The following CARMIL3 variants were observed in gnomAD, a reference collection of about 807,000 sequenced individuals.
CARMIL3 encodes the protein capping protein regulator and myosin 1 linker 3.
A neutral mutation model predicts 180.8 loss-of-function variants in CARMIL3; 88 were observed. The ratio of observed to expected loss-of-function variants is 0.49; its 90% CI spans 0.41 to 0.58. CARMIL3 has a LOEUF of 0.58. Ranked by LOEUF, CARMIL3 falls within the 20% of genes least tolerant of loss-of-function variation. CARMIL3 has a pLI of 0.00. For missense variants in CARMIL3, 1,548 were observed against 1,787.0 expected, an observed-to-expected ratio of 0.87 and a Z score of 2.41; for synonymous variants, 696 against 714.5, an observed-to-expected ratio of 0.97 and a Z score of 0.41.
rs770446009 is a variant in CARMIL3 at position 24,058,002 on chromosome 14, C to T, written c.1260C>T (p.Ser420=). The change falls in exon 16 of 40, where the codon AGC becomes AGT. Residue 420 remains serine, a synonymous_variant. Coordinates refer to ENST00000342740, the MANE Select transcript of CARMIL3 (RefSeq NM_138360.4). The surrounding 1 kb of genome is among the most constrained non-coding windows in gnomAD (Gnocchi z 6.4). ...EAPPAFKQFF[S]SAYTLSHVNL... ...CGCCGGCCTTCAAGCAGTTCTTCAG[C>T]AGCGCCTACACACTGAGCCACGTCA... 4 of 1,613,778 alleles carry T rather than the reference C, an allele frequency of 2.5e-6. No individual in the cohort carries two copies. In the South Asian group the frequency reaches 4.4e-5, roughly 18 times the overall value.
intron 29 of CARMIL3, 62 bp downstream of exon 29, chr14:24,062,908 C>G (rs576083164): frequency 3.7e-4 from 581 of 1,560,132 alleles, no homozygotes; most frequent in Non-Finnish European, 4.7e-4. Flanking sequence ...ACCTGCACAA[C>G]ACTGTCCCCT....
chr14:24,061,320 C>G lies in CARMIL3; in HGVS notation c.2305-177C>G, dbSNP rs1255031129. On this transcript the variant is annotated intron_variant, in intron 26 of 39. Coordinates refer to ENST00000342740, the MANE Select transcript of CARMIL3 (RefSeq NM_138360.4). This position sits in a 1 kb window ranked among gnomAD's most constrained non-coding sequence, Gnocchi z 4.1. The stretch of plus-strand genomic sequence containing the variant: ...TCTGTATGGTAGGGTGGAAGGAGCA[C>G]TGACCAGAAAGTGGGGAAGCCTTAG... The G allele has an allele frequency of 5.9e-6, 4 of 682,946 alleles. No homozygotes were observed. Among genetic ancestry groups the G allele is most frequent in the Non-Finnish European group, 9.7e-6 (4 of 412,054 alleles). 42.3% of individuals were successfully genotyped at this position (682,946 alleles called of 1,614,324 possible). A position where few individuals can be genotyped will look rare whatever the true frequency, so the allele number is the denominator to read the frequency against.
chr14:24,060,199 C>G lies in CARMIL3; in HGVS notation c.2005C>G (p.Pro669Ala). The G allele has an allele frequency of 6.2e-7, 1 of 1,614,186 alleles. No individual in the cohort carries two copies. The highest frequency in any genetic ancestry group is 1.1e-5 in the South Asian group (1 of 91,090). The change falls in exon 24 of 40, where the codon CCC becomes GCC. Residue 669 changes from proline to alanine, a missense_variant. Coordinates refer to ENST00000342740, the MANE Select transcript of CARMIL3 (RefSeq NM_138360.4). Reference sequence around the variant, plus strand: ...GAGGAACAACCACTCCCAGACGTGCCCCCAGGAGCAGGCCTTCAGGTTGCA... The same window carrying G: ...GAGGAACAACCACTCCCAGACGTGCGCCCAGGAGCAGGCCTTCAGGTTGCA... ...LVRNNHSQTCPQEQAFRLQQG... is the reference protein window; with the variant it reads ...LVRNNHSQTCAQEQAFRLQQG...
At chr14:24,063,845 C>G (rs1364710724) in intron 31 of CARMIL3, among the ~76,000 whole-genome samples, 5 of 152,108 alleles carry the variant, frequency 3.3e-5, no homozygotes, top group Non-Finnish European at 7.4e-5. Context: ...CCTGTAATCC[C>G]AGCACTTTGG....
chr14:24,069,056 A>G (rs1234206960), intron 38 of CARMIL3, 81 bp from the exon 39 acceptor site: 29 of 1,593,726 alleles, frequency 1.8e-5, no homozygotes. Flanking sequence ...GGAATGAGTG[A>G]CAACCAGGAG....
At chr14:24,053,599 T>A in intron 1 of CARMIL3, 110 bp from the exon 2 acceptor site, 1 of 734,534 alleles carries the variant, frequency 1.4e-6, no homozygotes, top group Non-Finnish European at 2.3e-6. Flanking sequence ...TGTCTCTCTG[T>A]TTCTCTCTTA....
At position 24,059,549 on chromosome 14, in the gene CARMIL3, C is replaced by T. The variant is rs113957306; in HGVS notation, c.1799+107C>T. 7 of 1,513,040 alleles carry T rather than the reference C, an allele frequency of 4.6e-6. No individual in the cohort carries two copies. Among genetic ancestry groups the T allele is most frequent in the African/African-American group, 1.4e-5 (1 of 72,516 alleles). 93.7% of individuals were successfully genotyped at this position (1,513,040 alleles called of 1,614,324 possible). Reference sequence around the variant, plus strand: ...TCTGGACCCCAGCTTCCAGAAGACCCCCAGCCCCAGAACCATCTCTGAGTC... The same window carrying T: ...TCTGGACCCCAGCTTCCAGAAGACCTCCAGCCCCAGAACCATCTCTGAGTC... On this transcript the variant is annotated intron_variant, in intron 21 of 39. Transcript: ENST00000342740. The surrounding 1 kb of genome is among the most constrained non-coding windows in gnomAD (Gnocchi z 6.3).
At chr14:24,053,536 A>G (rs1015175657) in intron 1 of CARMIL3, among the ~76,000 whole-genome samples, 173 bp from the exon 2 acceptor site, 2 of 152,222 alleles carry the variant, frequency 1.3e-5, no homozygotes, top group Admixed American at 6.5e-5. Flanking sequence ...AAAAAGAGAC[A>G]GTGTGAAAAG....
chr14:24,066,976 C>G (rs918312511), intron 36 of CARMIL3, among the ~76,000 whole-genome samples: 3 of 152,188 alleles, frequency 2.0e-5, no homozygotes, highest in Non-Finnish European at 4.4e-5. Context: ...CCTCTGTAGA[C>G]AAGGCTCCTC....
In CARMIL3 at chr14:24,053,839, G is replaced by A. The variant is rs375625384; in HGVS notation, c.135+36G>A. The A allele has an allele frequency of 6.2e-5, 97 of 1,560,706 alleles. No individual in the cohort carries two copies. In the African/African-American group the frequency reaches 1.1e-3, roughly 17 times the overall value. On this transcript the variant is annotated intron_variant, in intron 2 of 39. Coordinates refer to ENST00000342740, the MANE Select transcript of CARMIL3 (RefSeq NM_138360.4). ...TGGGCATGTGGGGAGGGAGGAGGTG[G>A]CTGGCAAGGGCAGCTGGCCAGTAGA... is the stretch of plus-strand genomic sequence containing the variant.
At chr14:24,053,666 C>T (rs2035640836) in intron 1 of CARMIL3, 43 bp from the exon 2 acceptor site, 1 of 1,496,332 alleles carries the variant, frequency 6.7e-7, no homozygotes, top group African/African-American at 1.4e-5. Flanking sequence ...TGGGGGTGGC[C>T]AGGGTAAGGT....
intron 1 of CARMIL3, 61 bp from the exon 2 acceptor site, chr14:24,053,648 C>G (rs2035640611): frequency 1.5e-6 from 2 of 1,293,440 alleles, no homozygotes; most frequent in Non-Finnish European, 1.1e-6. Flanking sequence ...CTGGAGAGCT[C>G]TGGGAGGTGG....
intron 32 of CARMIL3, among the ~76,000 whole-genome samples, 193 bp downstream of exon 32, chr14:24,064,539 G>T (rs1476477621): frequency 6.6e-6 from 1 of 152,220 alleles, no homozygotes; most frequent in Non-Finnish European, 1.5e-5. Context: ...TCCCAGGACA[G>T]CTGGGAAGAA....
Position 24,061,409 on chromosome 14 carries a change from G to A in CARMIL3, c.2305-88G>A. The A allele has an allele frequency of 7.3e-7, 1 of 1,374,046 alleles. No individual in the cohort carries two copies. Among genetic ancestry groups the A allele is most frequent in the Non-Finnish European group, 9.9e-7 (1 of 1,006,408 alleles). The allele number at this position is 1,374,046 out of a possible 1,614,324, so 85.1% of individuals were successfully genotyped here. ...CAGGTCCCTCAGTCTCAGCAGGAGGGGCTGGAATAGATAAAGTCTCTTCTG... is the reference window on the plus strand; with the variant it reads ...CAGGTCCCTCAGTCTCAGCAGGAGGAGCTGGAATAGATAAAGTCTCTTCTG... On this transcript the variant is annotated intron_variant, in intron 26 of 39. Coordinates refer to ENST00000342740, the MANE Select transcript of CARMIL3 (RefSeq NM_138360.4). This position sits in a 1 kb window ranked among gnomAD's most constrained non-coding sequence, Gnocchi z 4.1.
At chr14:24,062,916 C>G in intron 29 of CARMIL3, 70 bp downstream of exon 29, 1 of 1,555,938 alleles carries the variant, frequency 6.4e-7, no homozygotes, top group Non-Finnish European at 8.7e-7. Flanking sequence ...AACACTGTCC[C>G]CTTCCACTGA....
chr14:24,063,566 T>C, intron 31 of CARMIL3, 33 bp downstream of exon 31: 1 of 1,569,634 alleles, frequency 6.4e-7, no homozygotes. Flanking sequence ...GAGGATCCCC[T>C]TCACTCAGTG....
chr14:24,057,710 C>G (rs2035685581), intron 14 of CARMIL3, 93 bp from the exon 15 acceptor site: 1 of 1,098,748 alleles, frequency 9.1e-7, no homozygotes. Flanking sequence ...AATGAAGAGC[C>G]AGGAACCTCG....
In CARMIL3 at chr14:24,059,454, A is replaced by G; in HGVS notation, c.1799+12A>G. ...AACTCCTCCCTCAGGTGGGGCCCAC[A>G]CCGGGACCCCCTGACCTGGAGCCCC... On this transcript the variant is annotated intron_variant, in intron 21 of 39. Coordinates refer to ENST00000342740, the MANE Select transcript of CARMIL3 (RefSeq NM_138360.4). This position sits in a 1 kb window ranked among gnomAD's most constrained non-coding sequence, Gnocchi z 6.3. The G allele has an allele frequency of 6.4e-7, 1 of 1,558,726 alleles. No homozygotes were observed. The highest frequency in any genetic ancestry group is 8.7e-7 in the Non-Finnish European group (1 of 1,151,388).
rs1290403123 is a variant in CARMIL3, at chr14:24,056,683, G to A, written c.927G>A (p.Leu309=). The A allele has an allele frequency of 6.2e-7, 1 of 1,613,540 alleles. No homozygotes were observed. The highest frequency in any genetic ancestry group is 8.5e-7 in the Non-Finnish European group (1 of 1,180,016). The change falls in exon 12 of 40, where the codon CTG becomes CTA. Residue 309 remains leucine (L), a synonymous_variant. Coordinates refer to ENST00000342740, the MANE Select transcript of CARMIL3 (RefSeq NM_138360.4). ...CFPSGLTKLC[L]AKTAISPRGL... is the part of the protein sequence containing the mutation. ...CCTCTGGCCTCACCAAACTGTGCCT[G>A]GCCAAGACTGCCATTTCCCCTCGAG...
Sources: gnomAD v4.1 joint callset for allele counts (sites outside exome capture counted in the v4.1 genomes callset) on GRCh38, gnomAD v4.1.1 for gene constraint, Gnocchi (gnomAD v3.1) non-coding constraint, MANE v1.5 for transcripts, NCBI Gene and HGNC (gene_info 2026-07-23, HGNC 2026-07-21) for gene names.